AR: variants seen among roughly 807,000 people sequenced by gnomAD.
AR encodes androgen receptor, also known as dihydrotestosterone receptor.
Under a neutral mutation model 53.9 loss-of-function variants are expected in AR, and 8 were observed. The ratio of observed to expected loss-of-function variants is 0.15; its 90% confidence interval spans 0.09 to 0.27. AR has a LOEUF of 0.27. Among genes scored for constraint, AR ranks in the 10% least tolerant of loss-of-function variants. The probability of loss-of-function intolerance (pLI) is 1.00; values close to 1 mark genes in which losing one functional copy is unlikely to be tolerated. For missense variants in AR, 639 were observed against 742.5 expected (o/e 0.86, Z 1.62); for synonymous variants, 359 against 316.4 (o/e 1.13, Z -1.43).
At chrX:67,653,804 G>T (rs1926460882) in intron 2 of AR, among the ~76,000 whole-genome samples, 1 of 111,106 alleles carries the variant, frequency 9.0e-6, no homozygotes, top group Non-Finnish European at 1.9e-5. Context: ...CTTACCACCT[G>T]GCCTTAAGCA....
At chrX:67,712,626 C>T (rs2076098156) in intron 4 of AR, among the ~76,000 whole-genome samples, 1 of 112,190 alleles carries the variant, frequency 8.9e-6, no homozygotes, top group Non-Finnish European at 1.9e-5. Flanking sequence ...GTAGCTTGGG[C>T]CTCACCAGTT....
intron 3 of AR, among the ~76,000 whole-genome samples, chrX:67,702,689 A>C (rs895128250): frequency 2.7e-5 from 3 of 111,889 alleles, no homozygotes; most frequent in Non-Finnish European, 5.6e-5. Context: ...TCCCTACCCT[A>C]GTTGTTGGTC....
At chrX:67,638,657 T>C (rs1256457774) in intron 1 of AR, among the ~76,000 whole-genome samples, 2 of 112,140 alleles carry the variant, frequency 1.8e-5, no homozygotes, top group Non-Finnish European at 1.9e-5. Context: ...TCACCCACTT[T>C]TTGATGGGGT....
At chrX:67,585,781 C>T (rs1010884287) in intron 1 of AR, among the ~76,000 whole-genome samples, 1 of 112,302 alleles carries the variant, frequency 8.9e-6, no homozygotes, top group African/African-American at 3.2e-5. Flanking sequence ...TAGCCCATAA[C>T]ACAACCAGTG....
rs140327532 is a variant in AR at position 67,622,720 on chromosome X, T to C, written c.1617-20536T>C. Among the ~76,000 whole-genome samples, 706 of 111,968 alleles carry C rather than the reference T, an allele frequency of 6.3e-3. 3 individuals are homozygous for C. Among genetic ancestry groups the C allele is most frequent in the Non-Finnish European group, 0.011 (592 of 53,179 alleles). On this transcript the variant is annotated intron_variant, in intron 1 of 7. Transcript: ENST00000374690. Reference sequence around the variant, plus strand: ...TTTCAAAGTAAATATTTGATGAATATGTAAAATATTTAGTTTGGTCAGTCA... The same window carrying C: ...TTTCAAAGTAAATATTTGATGAATACGTAAAATATTTAGTTTGGTCAGTCA...
intron 2 of AR, among the ~76,000 whole-genome samples, chrX:67,666,796 T>C (rs1927285558): frequency 8.9e-6 from 1 of 111,965 alleles, no homozygotes; most frequent in Admixed American, 9.5e-5. Flanking sequence ...TGATGTGCAC[T>C]TCTCTGATGA....
In AR at chrX:67,544,075, G is replaced by A. The variant is rs1189657485; in HGVS notation, c.-1072G>A. Reference sequence around the variant, plus strand: ...GCTTGCTGGGAGAGCGGGACGGTCCGGAGCAAGCCCAGAGGCAGAGGAGGC... The same window carrying A: ...GCTTGCTGGGAGAGCGGGACGGTCCAGAGCAAGCCCAGAGGCAGAGGAGGC... On this transcript the variant is annotated 5_prime_UTR_variant, in exon 1 of 8. Coordinates refer to ENST00000374690, the MANE Select transcript of AR (RefSeq NM_000044.6). The A allele has an allele frequency of 4.1e-5, 7 of 170,067 alleles. No individual in the cohort carries two copies. The Admixed American group carries it at 4.8e-4, about 12-fold the overall frequency. 14.0% of individuals were successfully genotyped at this position (170,067 alleles called of 1,213,427 possible).
At chrX:67,698,345 TC>T (rs1401451808) in intron 3 of AR, among the ~76,000 whole-genome samples, 1 of 112,343 alleles carries the variant, frequency 8.9e-6, no homozygotes, top group Admixed American at 9.4e-5. Flanking sequence ...CAAACTGGCT[TC>T]CCCAGAGCCA....
intron 1 of AR, among the ~76,000 whole-genome samples, chrX:67,552,741 G>T (rs1291057692): frequency 8.9e-6 from 1 of 111,968 alleles, no homozygotes; most frequent in Non-Finnish European, 1.9e-5. Context: ...ATATTAGTGG[G>T]TGTGAAGTGG....
intron 7 of AR, among the ~76,000 whole-genome samples, 166 bp from the exon 8 acceptor site, chrX:67,723,520 A>AACACACACACACAC (rs113528927): frequency 3.1e-4 from 29 of 93,147 alleles, no homozygotes; most frequent in Admixed American, 1.6e-3. Flanking sequence ...GTCTCTCTCT[A>AACACACACACACAC]ACACACACAC....
chrX:67,717,141 T>A (rs1354888604), intron 4 of AR, among the ~76,000 whole-genome samples: 1 of 112,128 alleles, frequency 8.9e-6, no homozygotes, highest in Non-Finnish European at 1.9e-5. Context: ...TTAATTTTTT[T>A]AAAAAAGAGC....
chrX:67,662,127 C>T (rs1342248303), intron 2 of AR, among the ~76,000 whole-genome samples: 1 of 111,316 alleles, frequency 9.0e-6, no homozygotes, highest in Non-Finnish European at 1.9e-5. Flanking sequence ...TTTTGTTGAT[C>T]TTTTCAAAAA....
intron 1 of AR, among the ~76,000 whole-genome samples, chrX:67,626,701 T>C (rs1311844053): frequency 4.9e-4 from 50 of 101,610 alleles, no homozygotes; most frequent in Admixed American, 3.9e-3. Flanking sequence ...TACATATGTA[T>C]ACATGTGCCA....
In AR at chrX:67,718,644, T is replaced by C. The variant is rs986513570; in HGVS notation, c.2318+1022T>C. On this transcript the variant is annotated intron_variant, in intron 5 of 7. Coordinates refer to ENST00000374690, the MANE Select transcript of AR (RefSeq NM_000044.6). ...TTCCCTAATAGTGATACATTTTTTT[T>C]CCCCGAGATGGGGTTTTGCTCTGCC... Among the ~76,000 whole-genome samples, 17 of 110,834 alleles carry C rather than the reference T, an allele frequency of 1.5e-4. No individual in the cohort carries two copies. In the South Asian group the frequency reaches 4.4e-3, roughly 29 times the overall value.
intron 1 of AR, chrX:67,569,090 C>T (rs2147344733): frequency 9.0e-7 from 1 of 1,112,981 alleles, no homozygotes; most frequent in African/African-American, 1.8e-5. Flanking sequence ...AAGGTTTGGA[C>T]TGTGACCTAA....
chrX:67,705,362 G>A lies in AR; in HGVS notation c.1886-6040G>A, dbSNP rs189329885. Among the ~76,000 whole-genome samples, 57 of 111,032 alleles carry A rather than the reference G, an allele frequency of 5.1e-4. No individual in the cohort carries two copies. The East Asian group carries it at 5.4e-3, about 11-fold the overall frequency. On this transcript the variant is annotated intron_variant, in intron 3 of 7. Transcript: ENST00000374690. Reference sequence around the variant, plus strand: ...AGTTCTCCTTGAAGAGGTCCTTCACGTCCCTTGTAAGTTGGATTCCTAGGT... The same window carrying A: ...AGTTCTCCTTGAAGAGGTCCTTCACATCCCTTGTAAGTTGGATTCCTAGGT...
chrX:67,629,173 C>T (rs1272295440), intron 1 of AR, among the ~76,000 whole-genome samples: 3 of 109,690 alleles, frequency 2.7e-5, no homozygotes, highest in South Asian at 4.0e-4. Context: ...GGGAGGATTC[C>T]CTCTTTTTCT....
intron 3 of AR, among the ~76,000 whole-genome samples, chrX:67,707,371 C>CTGA (rs958916236): frequency 8.9e-6 from 1 of 111,951 alleles, no homozygotes; most frequent in African/African-American, 3.2e-5. Flanking sequence ...TCTTGTTGAA[C>CTGA]TGATCCCTTT....
At chrX:67,700,547 G>T (rs1329189978) in intron 3 of AR, among the ~76,000 whole-genome samples, 1 of 111,574 alleles carries the variant, frequency 9.0e-6, no homozygotes, top group Non-Finnish European at 1.9e-5. Flanking sequence ...ACTCTCTTTA[G>T]GCAGAGAAGC....
Sources: allele counts gnomAD v4.1 joint callset (sites outside exome capture counted in the v4.1 genomes callset), GRCh38; gene constraint gnomAD v4.1.1; transcripts MANE v1.5; gene names NCBI Gene and HGNC (gene_info 2026-07-23, HGNC 2026-07-21).